Variants in SLC25A12 observed in about 807,000 individuals in gnomAD.
The protein encoded by SLC25A12 is solute carrier family 25 member 12.
SLC25A12 carries 32 observed loss-of-function variants against 83.3 expected under a neutral mutation model. That is an observed-to-expected ratio of 0.38 (90% CI 0.29 to 0.52). The LOEUF is 0.52. Among genes scored for constraint, SLC25A12 ranks in the 20% least tolerant of loss-of-function variants. SLC25A12 has a pLI of 0.84. For synonymous variants in SLC25A12, 267 were observed against 291.1 expected (o/e 0.92, Z 0.84); for missense variants, 611 against 835.6 (o/e 0.73, Z 3.31).
intron 3 of SLC25A12, among the ~76,000 whole-genome samples, chr2:171,861,516 C>T (rs1314009666): frequency 6.6e-6 from 1 of 152,194 alleles, no homozygotes; most frequent in Non-Finnish European, 1.5e-5. Flanking sequence ...AAGTGATCCT[C>T]CTGTCTCAGC....
Position 171,787,882 on chromosome 2 carries a change from G to C in SLC25A12, c.1651C>G (p.Arg551Gly). Residue 551 changes from arginine (R) to glycine (G), a missense_variant, in exon 16 of 18, where the codon CGC (arginine) becomes GGC (glycine). Arg to Gly is a moderately radical substitution (Grantham distance 125, BLOSUM62 -2). This residue lies in a region of SLC25A12 where 540 missense variants were observed against 777.5 expected (regional missense o/e 0.69). Transcript: ENST00000422440. The part of the protein sequence containing the change: ...VIKTRLQVAA[R>G]AGQTTYSGVI... ...CCACTGTATGTCGTCTGGCCAGCGC[G>C]GGCAGCCACCTGCAGTCTTGTCTTG... 1 of 1,614,186 alleles carries C rather than the reference G, an allele frequency of 6.2e-7. No individual in the cohort carries two copies. Among genetic ancestry groups the C allele is most frequent in the Non-Finnish European group, 8.5e-7 (1 of 1,180,024 alleles).
At chr2:171,826,673 C>G in intron 9 of SLC25A12, 125 bp downstream of exon 9, 1 of 703,938 alleles carries the variant, frequency 1.4e-6, no homozygotes, top group Non-Finnish European at 2.6e-6. Context: ...AATCTTTAAG[C>G]TAAGTAAAGT....
At chr2:171,787,980 G>C (rs775313360) in intron 15 of SLC25A12, 33 bp from the exon 16 acceptor site, 1 of 1,610,424 alleles carries the variant, frequency 6.2e-7, no homozygotes, top group South Asian at 1.1e-5. Flanking sequence ...AATTTATCTA[G>C]AGTACCTTAT....
rs78654316 is a variant in SLC25A12, at chr2:171,862,912, C to T, written c.209+5769G>A. Among the ~76,000 whole-genome samples, 885 of 151,960 alleles carry T rather than the reference C, an allele frequency of 5.8e-3. 4 individuals carry two copies. Among genetic ancestry groups the T allele is most frequent in the Non-Finnish European group, 7.0e-3 (474 of 67,950 alleles). Reference sequence around the variant, plus strand: ...AAAAGAGAATATCTTTTTTCTTTTTCGTTAAGACAGAATCTCACATTTTGC... The same window carrying T: ...AAAAGAGAATATCTTTTTTCTTTTTTGTTAAGACAGAATCTCACATTTTGC... On this transcript the variant is annotated intron_variant, in intron 3 of 17. Coordinates refer to ENST00000422440, the MANE Select transcript of SLC25A12 (RefSeq NM_003705.5).
chr2:171,828,619 G>A (rs1488184808), intron 8 of SLC25A12, among the ~76,000 whole-genome samples: 1 of 152,124 alleles, frequency 6.6e-6, no homozygotes, highest in Non-Finnish European at 1.5e-5. Context: ...CTTGTCGAGG[G>A]CCTGAGTGGA....
rs111655332 is a variant in SLC25A12, at chr2:171,819,025, C to G, written c.931-3823G>C. Among the ~76,000 whole-genome samples the G allele has an allele frequency of 9.7e-3, 1,455 of 149,276 alleles. 19 individuals are homozygous for G. Among genetic ancestry groups the G allele is most frequent in the African/African-American group, 0.034 (1,372 of 40,644 alleles). On this transcript the variant is annotated intron_variant, in intron 9 of 17. Coordinates refer to ENST00000422440, the MANE Select transcript of SLC25A12 (RefSeq NM_003705.5). ...TAGTCTGGGATTTGAATTCAATATT[C>G]TTGGCCTTAAAAAGTAAGATTAAAA... is the stretch of plus-strand genomic sequence containing the variant.
At chr2:171,804,162 A>T (rs1683773112) in intron 13 of SLC25A12, among the ~76,000 whole-genome samples, 1 of 152,270 alleles carries the variant, frequency 6.6e-6, no homozygotes. Context: ...GTACTGATAC[A>T]TGCTACAACA....
chr2:171,875,741 G>A lies in SLC25A12; in HGVS notation c.67-6918C>T, dbSNP rs186265561. Among the ~76,000 whole-genome samples the A allele has an allele frequency of 3.6e-4, 54 of 151,922 alleles. 1 individual carries two copies. The East Asian group carries it at 0.01, about 28-fold the overall frequency. Reference sequence around the variant, plus strand: ...ATCCTGGCTAACATGGTGAAACCCCGTCTCTACTAAAAATACAAAAAATTA... The same window carrying A: ...ATCCTGGCTAACATGGTGAAACCCCATCTCTACTAAAAATACAAAAAATTA... On this transcript the variant is annotated intron_variant, in intron 2 of 17. Transcript: ENST00000422440.
chr2:171,867,077 C>T (rs1390865171), intron 3 of SLC25A12, among the ~76,000 whole-genome samples: 4 of 150,624 alleles, frequency 2.7e-5, no homozygotes, highest in Admixed American at 6.6e-5. Context: ...AGACGATGGG[C>T]GGCCGGGCAG....
intron 2 of SLC25A12, among the ~76,000 whole-genome samples, chr2:171,888,498 G>A (rs1263743600): frequency 6.6e-6 from 1 of 152,048 alleles, no homozygotes; most frequent in African/African-American, 2.4e-5. Flanking sequence ...CTGAAGTGCA[G>A]TGGCACAATC....
chr2:171,817,028 G>C (rs1684063141), intron 9 of SLC25A12, among the ~76,000 whole-genome samples: 1 of 151,956 alleles, frequency 6.6e-6, no homozygotes, highest in African/African-American at 2.4e-5. Flanking sequence ...CAAGAAAGAC[G>C]ACCTCCCTCT....
At chr2:171,789,384 A>T (rs1690552967) in intron 15 of SLC25A12, among the ~76,000 whole-genome samples, 1 of 151,574 alleles carries the variant, frequency 6.6e-6, no homozygotes, top group Non-Finnish European at 1.5e-5. Context: ...GCCCGCCACC[A>T]CGCCCGGCTA....
At chr2:171,876,114 C>T (rs183395930) in intron 2 of SLC25A12, among the ~76,000 whole-genome samples, 2 of 152,256 alleles carry the variant, frequency 1.3e-5, no homozygotes, top group East Asian at 1.9e-4. Context: ...TTGACATGTA[C>T]TGAAACAGGC....
rs752315237 is a variant in SLC25A12, at chr2:171,793,813, G to T, written c.1306-46C>A. The T allele has an allele frequency of 1.9e-6, 3 of 1,611,744 alleles. No homozygotes were observed. In the East Asian group the frequency reaches 6.7e-5, roughly 36 times the overall value. ...ACAGGCAGATTCCACATCAGAGCCC[G>T]ACTGGCAGCGTAAAAAAGGAAAATC... On this transcript the variant is annotated intron_variant, in intron 13 of 17. Coordinates refer to ENST00000422440, the MANE Select transcript of SLC25A12 (RefSeq NM_003705.5).
At chr2:171,866,836 C>G (rs1459678797) in intron 3 of SLC25A12, among the ~76,000 whole-genome samples, 2 of 146,802 alleles carry the variant, frequency 1.4e-5, no homozygotes, top group Non-Finnish European at 1.5e-5. Flanking sequence ...CCCTCCCGGA[C>G]GGGGTGGCTG....
At position 171,787,897 on chromosome 2, in the gene SLC25A12, G is replaced by A; in HGVS notation, c.1636C>T (p.Leu546=). 3.1e-6 allele frequency: 5 copies of A among 1,614,250 alleles called. No individual in the cohort carries two copies. Among genetic ancestry groups the A allele is most frequent in the African/African-American group, 1.3e-5 (1 of 75,060 alleles). Reference sequence around the variant, plus strand: ...TGGCCAGCGCGGGCAGCCACCTGCAGTCTTGTCTTGATGACATCAGCAGGG... The same window carrying A: ...TGGCCAGCGCGGGCAGCCACCTGCAATCTTGTCTTGATGACATCAGCAGGG... ...VTPADVIKTR[L]QVAARAGQTT... is the part of the protein sequence containing the mutation. The change falls in exon 16 of 18, where the codon CTG becomes TTG. Residue 546 remains leucine, a synonymous_variant. Transcript: ENST00000422440.
chr2:171,846,957 T>C (rs1684809973), intron 4 of SLC25A12, among the ~76,000 whole-genome samples: 1 of 152,222 alleles, frequency 6.6e-6, no homozygotes, highest in South Asian at 2.1e-4. Flanking sequence ...TTAGAATGTC[T>C]CTGAAACAAT....
chr2:171,806,494 A>G (rs1683833823), intron 13 of SLC25A12, among the ~76,000 whole-genome samples: 1 of 152,170 alleles, frequency 6.6e-6, no homozygotes, highest in South Asian at 2.1e-4. Context: ...AGATAATAAA[A>G]CAAAACATAC....
chr2:171,831,180 T>A (rs1231115230), intron 8 of SLC25A12, among the ~76,000 whole-genome samples: 1 of 152,230 alleles, frequency 6.6e-6, no homozygotes, highest in East Asian at 1.9e-4. Context: ...TTCTTGCCAC[T>A]CTTGATGCCC....
Sources: allele counts gnomAD v4.1 joint callset (sites outside exome capture counted in the v4.1 genomes callset), GRCh38; gene constraint gnomAD v4.1.1; regional missense constraint gnomAD v4.1.1; transcripts MANE v1.5; gene names NCBI Gene and HGNC (gene_info 2026-07-23, HGNC 2026-07-21).